CDC25A: variants seen among roughly 807,000 people sequenced by gnomAD.
CDC25A encodes the protein M-phase inducer phosphatase 1.
In CDC25A, 17 loss-of-function variants were observed where a neutral mutation model predicts 64.6. The ratio of observed to expected loss-of-function variants is 0.26; its 90% CI spans 0.18 to 0.39. CDC25A has a LOEUF of 0.39. CDC25A is among the 10% of genes least tolerant of loss of function. The pLI is 1.00. For missense variants in CDC25A, 473 were observed against 654.8 expected (o/e 0.72, Z 3.03); for synonymous variants, 229 against 238.6 (o/e 0.96, Z 0.37).
chr3:48,175,250 T>C (rs1458277089), intron 8 of CDC25A, among the ~76,000 whole-genome samples: 1 of 152,018 alleles, frequency 6.6e-6, no homozygotes, highest in Non-Finnish European at 1.5e-5. Context: ...TGAGCTAAGA[T>C]TTGCACCACT....
In CDC25A at chr3:48,181,675, C is replaced by T. The variant is rs879041606; in HGVS notation, c.430-835G>A. On this transcript the variant is annotated intron_variant, in intron 5 of 14. Coordinates refer to ENST00000302506, the MANE Select transcript of CDC25A (RefSeq NM_001789.3). The stretch of plus-strand genomic sequence containing the variant: ...GGCTAACTACCTTCCGGAACAAGAG[C>T]ATGTTATTTAAAAGGGTATTGCGAC... 350 of 1,060,044 alleles carry T rather than the reference C, an allele frequency of 3.3e-4. 1 individual carries two copies. Among genetic ancestry groups the T allele is most frequent in the Admixed American group, 6.3e-4 (37 of 58,934 alleles). The allele number at this position is 1,060,044 out of a possible 1,614,324, so 65.7% of individuals were successfully genotyped here.
At chr3:48,171,381 T>G (rs1183952079) in intron 9 of CDC25A, among the ~76,000 whole-genome samples, 1 of 150,124 alleles carries the variant, frequency 6.7e-6, no homozygotes, top group African/African-American at 2.5e-5. Flanking sequence ...AAATGAATAT[T>G]CTTTTTTTTT....
intron 5 of CDC25A, 112 bp from the exon 6 acceptor site, chr3:48,180,952 G>A: frequency 1.0e-6 from 1 of 969,446 alleles, no homozygotes; most frequent in Admixed American, 2.2e-5. Context: ...CCAAATTAAA[G>A]TTTCACCTAA....
At chr3:48,184,041 C>G (rs567208426) in intron 3 of CDC25A, among the ~76,000 whole-genome samples, 1 of 152,144 alleles carries the variant, frequency 6.6e-6, no homozygotes, top group African/African-American at 2.4e-5. Flanking sequence ...AAAAACAAAC[C>G]CATGTCTTTT....
chr3:48,180,503 A>T (rs1001606567), intron 6 of CDC25A: 1 of 466,594 alleles, frequency 2.1e-6, no homozygotes, highest in East Asian at 3.2e-5. Flanking sequence ...TCCTTGCACA[A>T]CTCCAATATT....
intron 1 of CDC25A, 31 bp downstream of exon 1, chr3:48,187,747 C>T (rs1010161420): frequency 9.8e-6 from 15 of 1,525,324 alleles, no homozygotes; most frequent in Middle Eastern, 1.7e-4. Context: ...AGGCCAGGGG[C>T]CCGGAGCACC....
At chr3:48,181,573 G>A (rs2032670653) in intron 5 of CDC25A, 1 of 1,565,006 alleles carries the variant, frequency 6.4e-7, no homozygotes, top group Admixed American at 1.7e-5. Flanking sequence ...TTCAGATTGT[G>A]CGGGACCACT....
At chr3:48,183,124 G>A in intron 4 of CDC25A, 94 bp from the exon 5 acceptor site, 2 of 790,738 alleles carry the variant, frequency 2.5e-6, no homozygotes, top group Non-Finnish European at 4.4e-6. Context: ...GGGTTGAATA[G>A]GGGGTAGACT....
intron 4 of CDC25A, 127 bp from the exon 5 acceptor site, chr3:48,183,157 G>A (rs2106758845): frequency 3.2e-6 from 2 of 632,726 alleles, no homozygotes; most frequent in East Asian, 5.6e-5. Context: ...ACTGCAGTAG[G>A]TAACCAGTAA....
At chr3:48,180,880 C>G (rs1475452672) in intron 5 of CDC25A, 40 bp from the exon 6 acceptor site, 21 of 1,606,760 alleles carry the variant, frequency 1.3e-5, no homozygotes, top group Non-Finnish European at 1.7e-5. Flanking sequence ...CCATGAAAAC[C>G]AACTCAGGCC....
intron 8 of CDC25A, among the ~76,000 whole-genome samples, chr3:48,176,658 C>CA (rs201438794): frequency 4.7e-5 from 7 of 148,936 alleles, no homozygotes; most frequent in African/African-American, 1.5e-4. Context: ...CAAAACAAAA[C>CA]AAACAAACAA....
At chr3:48,171,217 C>CA (rs975948382) in intron 9 of CDC25A, among the ~76,000 whole-genome samples, 4 of 151,016 alleles carry the variant, frequency 2.6e-5, no homozygotes, top group African/African-American at 9.7e-5. Context: ...ACTAAAAATA[C>CA]AAAAAAAATT....
In CDC25A at chr3:48,157,852, G is replaced by A. The variant is rs2031581989; in HGVS notation, c.*1093C>T. The A allele has an allele frequency of 6.6e-6, 1 of 152,514 alleles. No individual in the cohort carries two copies. Among genetic ancestry groups the A allele is most frequent in the South Asian group, 2.1e-4 (1 of 4,804 alleles). The allele number at this position is 152,514 out of a possible 1,614,324, so 9.4% of individuals were successfully genotyped here. A position where few individuals can be genotyped will look rare whatever the true frequency, so the allele number is the denominator to read the frequency against. ...CTTCCAGCCCCTCTCCTCACCCTTG[G>A]GTGGTCCATCCAACACTGATTTGAT... On this transcript the variant is annotated 3_prime_UTR_variant, in exon 15 of 15. Coordinates refer to ENST00000302506, the MANE Select transcript of CDC25A (RefSeq NM_001789.3).
rs921962958 is a variant in CDC25A, at chr3:48,158,739, G to A, written c.*206C>T. 2.2e-5 allele frequency: 13 copies of A among 590,338 alleles called. No homozygotes were observed. The highest frequency in any genetic ancestry group is 1.1e-4 in the African/African-American group (6 of 53,920). 36.6% of individuals were successfully genotyped at this position (590,338 alleles called of 1,614,324 possible). A position where few individuals can be genotyped will look rare whatever the true frequency, so the allele number is the denominator to read the frequency against. ...CACAGTTCTGATATGGACGGAGGAC[G>A]TCTAACAGGGACAGAAGAGGCGTAG... On this transcript the variant is annotated 3_prime_UTR_variant, in exon 15 of 15. Transcript: ENST00000302506.
intron 6 of CDC25A, chr3:48,180,510 T>C: frequency 2.1e-6 from 1 of 477,182 alleles, no homozygotes; most frequent in Non-Finnish European, 3.7e-6. Context: ...ACAACTCCAA[T>C]ATTTCAAACA....
At chr3:48,175,719 AAACT>A (rs2032430765) in intron 8 of CDC25A, among the ~76,000 whole-genome samples, 1 of 152,212 alleles carries the variant, frequency 6.6e-6, no homozygotes, top group South Asian at 2.1e-4. Context: ...CAAATCTATA[AAACT>A]AACAGCCACT....
At chr3:48,172,011 T>A (rs572344250) in intron 9 of CDC25A, among the ~76,000 whole-genome samples, 1 of 152,056 alleles carries the variant, frequency 6.6e-6, no homozygotes, top group South Asian at 2.1e-4. Context: ...AAAAAAAATT[T>A]TTTTTAAATT....
intron 9 of CDC25A, among the ~76,000 whole-genome samples, chr3:48,169,669 TG>T (rs1375638809): frequency 6.6e-6 from 1 of 152,144 alleles, no homozygotes; most frequent in Non-Finnish European, 1.5e-5. Flanking sequence ...AGGAGACAAC[TG>T]GGGAAAACTG....
At position 48,178,111 on chromosome 3, in the gene CDC25A, T is replaced by G. The variant is rs182709683; in HGVS notation, c.550-123A>C. On this transcript the variant is annotated intron_variant, in intron 6 of 14. Transcript: ENST00000302506. Reference sequence around the variant, plus strand: ...ATACTTGTTATACAAAGCAAAATTTTAGCCATTACTGATTATATGAAAATG... The same window carrying G: ...ATACTTGTTATACAAAGCAAAATTTGAGCCATTACTGATTATATGAAAATG... 3.5e-6 allele frequency: 3 copies of G among 851,234 alleles called. No individual in the cohort carries two copies. In the Admixed American group the frequency reaches 7.4e-5, roughly 21 times the overall value. The allele number at this position is 851,234 out of a possible 1,614,324, so 52.7% of individuals were successfully genotyped here.
Sources: gnomAD v4.1 joint callset for allele counts (sites outside exome capture counted in the v4.1 genomes callset) on GRCh38, gnomAD v4.1.1 for gene constraint, MANE v1.5 for transcripts, NCBI Gene and HGNC (gene_info 2026-07-23, HGNC 2026-07-21) for gene names.